Variants in C8orf34 observed in about 807,000 individuals in gnomAD.
C8orf34 encodes chromosome 8 open reading frame 34, also known as uncharacterized protein C8orf34.
A neutral mutation model predicts 68.3 loss-of-function variants in C8orf34; 65 were observed. The observed-to-expected ratio is 0.95, with a 90% CI of 0.78 to 1.17. C8orf34 has a LOEUF of 1.17. C8orf34 is among the 50% of genes most tolerant of loss of function. The pLI, the probability that C8orf34 is intolerant of heterozygous loss-of-function variation, is 0.00. For synonymous variants in C8orf34, 244 were observed against 241.2 expected (o/e 1.01, Z -0.11); for missense variants, 664 against 655.4 (o/e 1.01, Z -0.14).
intron 7 of C8orf34, among the ~76,000 whole-genome samples, chr8:68,607,533 C>T (rs1462802199): frequency 6.6e-6 from 1 of 152,090 alleles, no homozygotes; most frequent in African/African-American, 2.4e-5. Context: ...TCTTTACTTT[C>T]TCAAAGACCC....
intron 8 of C8orf34, among the ~76,000 whole-genome samples, chr8:68,659,043 T>C (rs1022003051): frequency 2.0e-5 from 3 of 152,106 alleles, no homozygotes; most frequent in Non-Finnish European, 4.4e-5. Context: ...GATATTTCCC[T>C]CGATTCCCTC....
At chr8:68,529,348 C>G (rs1179545617) in intron 6 of C8orf34, among the ~76,000 whole-genome samples, 3 of 152,184 alleles carry the variant, frequency 2.0e-5, no homozygotes, top group African/African-American at 7.2e-5. Flanking sequence ...AGTCTCAGCC[C>G]CCATCTTACT....
intron 7 of C8orf34, among the ~76,000 whole-genome samples, chr8:68,568,195 A>G (rs1347133778): frequency 6.6e-6 from 1 of 152,114 alleles, no homozygotes; most frequent in Non-Finnish European, 1.5e-5. Context: ...CTGATCGCAG[A>G]TCAGCAATAA....
intron 1 of C8orf34, among the ~76,000 whole-genome samples, chr8:68,358,375 C>T (rs1806836371): frequency 6.6e-6 from 1 of 151,940 alleles, no homozygotes; most frequent in East Asian, 2.0e-4. Context: ...TGAAAGTTTT[C>T]CCCATTGTGT....
At chr8:68,739,225 T>C (rs1295103438) in intron 10 of C8orf34, among the ~76,000 whole-genome samples, 1 of 152,140 alleles carries the variant, frequency 6.6e-6, no homozygotes, top group African/African-American at 2.4e-5. Context: ...GAAAAGGCTT[T>C]CAATAAAATT....
intron 8 of C8orf34, among the ~76,000 whole-genome samples, chr8:68,687,579 G>A (rs965014374): frequency 3.9e-5 from 6 of 151,966 alleles, no homozygotes; most frequent in Non-Finnish European, 7.4e-5. Context: ...AATGAAACTT[G>A]ATCCCCATCT....
chr8:68,709,907 A>T (rs2130964544), intron 9 of C8orf34, among the ~76,000 whole-genome samples: 1 of 152,324 alleles, frequency 6.6e-6, no homozygotes, highest in Admixed American at 6.5e-5. Context: ...GCATAATAGC[A>T]AAACACAGTC....
chr8:68,587,408 TATAGAATCTGTGTTGGTTA>T, intron 7 of C8orf34, among the ~76,000 whole-genome samples: 1 of 152,154 alleles, frequency 6.6e-6, no homozygotes. Flanking sequence ...GTTATGAGTT[TATAGAATCTGTGTTGGTTA>T]ATAGATTTCA....
Position 68,495,293 on chromosome 8 carries a change from T to A in C8orf34, c.765+7242T>A, listed in dbSNP as rs1339777478. Reference sequence around the variant, plus strand: ...AACAATAATATATATATATATATAATAACAATGTACTATTTAGTGCATACT... The same window carrying A: ...AACAATAATATATATATATATATAAAAACAATGTACTATTTAGTGCATACT... On this transcript the variant is annotated intron_variant, in intron 5 of 13. Transcript: ENST00000518698. 2.0e-5 allele frequency among the ~76,000 whole-genome samples: 3 copies of A among 151,560 alleles called. No homozygotes were observed. The South Asian group carries it at 6.2e-4, about 31-fold the overall frequency.
chr8:68,580,934 G>T (rs546641431), intron 7 of C8orf34, among the ~76,000 whole-genome samples: 1 of 152,022 alleles, frequency 6.6e-6, no homozygotes, highest in African/African-American at 2.4e-5. Flanking sequence ...GATTACTCAA[G>T]GTTCAGTATG....
chr8:68,632,679 T>A (rs1419264613), intron 7 of C8orf34, among the ~76,000 whole-genome samples: 1 of 152,112 alleles, frequency 6.6e-6, no homozygotes, highest in Non-Finnish European at 1.5e-5. Flanking sequence ...GCCAGGGCCC[T>A]GCTCCTCTGT....
chr8:68,739,689 CT>C lies in C8orf34; in HGVS notation c.1404+18253del, dbSNP rs766829278. The stretch of plus-strand genomic sequence containing the variant: ...CCCAAAGCAATTTGTAGATTCAATG[CT>C]GTTCCTATTAAACAACCAATGACAT... On this transcript the variant is annotated intron_variant, in intron 10 of 13. Coordinates refer to ENST00000518698, the MANE Select transcript of C8orf34 (RefSeq NM_052958.4). 3.2e-3 allele frequency among the ~76,000 whole-genome samples: 485 copies of C among 152,242 alleles called. 3 individuals carry two copies. Among genetic ancestry groups the C allele is most frequent in the Middle Eastern group, 6.8e-3 (2 of 294 alleles).
At chr8:68,545,861 T>TAATTGTCTTTGAAC (rs1563521754) in intron 7 of C8orf34, among the ~76,000 whole-genome samples, 1 of 152,060 alleles carries the variant, frequency 6.6e-6, no homozygotes, top group Non-Finnish European at 1.5e-5. Flanking sequence ...ATTGACTGCT[T>TAATTGTCTTTGAAC]AAAGCAAAAA....
chr8:68,559,396 C>T (rs1211895132), intron 7 of C8orf34, among the ~76,000 whole-genome samples: 2 of 151,990 alleles, frequency 1.3e-5, no homozygotes, highest in Admixed American at 6.6e-5. Context: ...TTTTACATGT[C>T]CTGTAAATGA....
chr8:68,401,853 G>T, intron 1 of C8orf34, among the ~76,000 whole-genome samples: 1 of 122,586 alleles, frequency 8.2e-6, no homozygotes, highest in East Asian at 2.2e-4. Context: ...TTGGTCTACA[G>T]TTCTCTTTTG....
intron 5 of C8orf34, among the ~76,000 whole-genome samples, chr8:68,492,007 G>A (rs970866492): frequency 2.0e-5 from 3 of 152,122 alleles, no homozygotes; most frequent in Non-Finnish European, 4.4e-5. Flanking sequence ...GTGTTTACAC[G>A]CTTCTTTCCT....
intron 7 of C8orf34, among the ~76,000 whole-genome samples, chr8:68,631,129 G>A (rs10087162): frequency 0.023 from 3,482 of 151,772 alleles, 138 homozygotes; most frequent in African/African-American, 0.079. Context: ...GCCAGGCATG[G>A]TGGTGGCATG....
chr8:68,378,567 C>T (rs1330125448), intron 1 of C8orf34, among the ~76,000 whole-genome samples: 3 of 152,102 alleles, frequency 2.0e-5, no homozygotes, highest in Non-Finnish European at 2.9e-5. Context: ...GGATTACGTG[C>T]GTGAGCCACT....
intron 10 of C8orf34, 21 bp downstream of exon 10, chr8:68,721,458 AT>A (rs570153453): frequency 2.2e-4 from 315 of 1,464,600 alleles, no homozygotes; most frequent in Non-Finnish European, 2.6e-4. Context: ...TCATTGACTT[AT>A]TTTTTTTAAT....
Sources: gnomAD v4.1 joint callset for allele counts (sites outside exome capture counted in the v4.1 genomes callset) on GRCh38, gnomAD v4.1.1 for gene constraint, MANE v1.5 for transcripts, NCBI Gene and HGNC (gene_info 2026-07-23, HGNC 2026-07-21) for gene names.